COP1: variants seen among roughly 807,000 people sequenced by gnomAD.
COP1 encodes COP1 E3 ubiquitin ligase.
In COP1, 24 loss-of-function variants were observed where a neutral mutation model predicts 101.3. The ratio of observed to expected loss-of-function variants is 0.24; its 90% CI spans 0.17 to 0.33. The LOEUF (loss-of-function observed/expected upper bound fraction) is 0.33. COP1 is among the 10% of genes least tolerant of loss of function. COP1 has a pLI of 1.00. For missense variants in COP1, 663 were observed against 906.2 expected (o/e 0.73, Z 3.45); for synonymous variants, 347 against 341.9 (o/e 1.01, Z -0.17).
intron 15 of COP1, among the ~76,000 whole-genome samples, chr1:176,020,247 G>GTT (rs1157816842): frequency 1.4e-5 from 2 of 147,320 alleles, no homozygotes; most frequent in Non-Finnish European, 3.0e-5. Context: ...GGAGGCAGAA[G>GTT]TTGCAGTGAG....
chr1:176,075,519 A>G (rs1677830911), intron 11 of COP1, among the ~76,000 whole-genome samples: 1 of 152,226 alleles, frequency 6.6e-6, no homozygotes, highest in African/African-American at 2.4e-5. Flanking sequence ...TGATTATACC[A>G]AGGAATTACT....
chr1:176,021,928 T>C (rs1015655509), intron 15 of COP1, among the ~76,000 whole-genome samples: 7 of 152,248 alleles, frequency 4.6e-5, no homozygotes, highest in Non-Finnish European at 1.0e-4. Context: ...TCTATATACA[T>C]ACTTGTTAAC....
chr1:176,035,710 CAA>C (rs71129541), intron 14 of COP1, among the ~76,000 whole-genome samples: 2,388 of 72,498 alleles, frequency 0.033, 32 homozygotes, highest in Non-Finnish European at 0.042. Flanking sequence ...AAAACGAGAC[CAA>C]AAAAAAAAAA....
intron 11 of COP1, among the ~76,000 whole-genome samples, chr1:176,057,462 G>A (rs963599981): frequency 6.6e-6 from 1 of 152,166 alleles, no homozygotes; most frequent in East Asian, 1.9e-4. Flanking sequence ...AGCCTGCCGA[G>A]TGCCTGCGAT....
intron 11 of COP1, among the ~76,000 whole-genome samples, chr1:176,073,286 CATAG>C (rs1558051245): frequency 6.6e-6 from 1 of 152,126 alleles, no homozygotes; most frequent in Non-Finnish European, 1.5e-5. Flanking sequence ...TGAATGCCAC[CATAG>C]ATAACTATTT....
At position 176,167,386 on chromosome 1, in the gene COP1, T is replaced by C. The variant is rs539848974; in HGVS notation, c.566-3495A>G. Among the ~76,000 whole-genome samples the C allele has an allele frequency of 4.2e-4, 63 of 151,796 alleles. 1 individual carries two copies. The South Asian group carries it at 0.013, about 31-fold the overall frequency. On this transcript the variant is annotated intron_variant, in intron 3 of 19. Coordinates refer to ENST00000367669, the MANE Select transcript of COP1 (RefSeq NM_022457.7). ...GTCCACCATCGTGGTCCCTGACGCATAGTAGGCGCCTGGTATTTGCTGAAT... is the reference window on the plus strand; with the variant it reads ...GTCCACCATCGTGGTCCCTGACGCACAGTAGGCGCCTGGTATTTGCTGAAT...
At chr1:176,030,670 C>T (rs1026992587) in intron 14 of COP1, among the ~76,000 whole-genome samples, 1 of 151,984 alleles carries the variant, frequency 6.6e-6, no homozygotes, top group Non-Finnish European at 1.5e-5. Context: ...GTCTGAGCTA[C>T]AAGGGTAACT....
intron 11 of COP1, among the ~76,000 whole-genome samples, chr1:176,051,622 C>A (rs557380111): frequency 6.6e-6 from 1 of 152,096 alleles, no homozygotes; most frequent in Non-Finnish European, 1.5e-5. Flanking sequence ...GCAGGCAGGT[C>A]CTTCAGGAGG....
intron 6 of COP1, among the ~76,000 whole-genome samples, chr1:176,143,618 C>G (rs115853259): frequency 5.3e-4 from 81 of 152,022 alleles, no homozygotes; most frequent in African/African-American, 1.9e-3. Context: ...GCAAACCAAA[C>G]CATATAGAAG....
At chr1:175,949,356 C>A (rs1571218252) in intron 18 of COP1, among the ~76,000 whole-genome samples, 1 of 151,814 alleles carries the variant, frequency 6.6e-6, no homozygotes, top group South Asian at 2.1e-4. Context: ...CTTTTAGTGA[C>A]CTGAATGTAG....
At chr1:176,001,585 A>C (rs1396124740) in intron 15 of COP1, among the ~76,000 whole-genome samples, 2 of 152,166 alleles carry the variant, frequency 1.3e-5, no homozygotes, top group Non-Finnish European at 2.9e-5. Flanking sequence ...GCCACCAGCA[A>C]GTATTCTCAG....
At chr1:175,946,432 G>A (rs1649179318) in intron 19 of COP1, among the ~76,000 whole-genome samples, 1 of 152,186 alleles carries the variant, frequency 6.6e-6, no homozygotes. Flanking sequence ...TTAATGCTAA[G>A]TGGCAGGAGA....
intron 15 of COP1, among the ~76,000 whole-genome samples, chr1:176,023,661 T>C (rs1324507886): frequency 7.0e-6 from 1 of 141,864 alleles, no homozygotes; most frequent in African/African-American, 2.7e-5. Flanking sequence ...GAGGTTGCAG[T>C]GAGCTGAGAT....
Position 176,089,293 on chromosome 1 carries a change from A to AAAGAAT in COP1, c.1027-3404_1027-3403insATTCTT, listed in dbSNP as rs1553257647. On this transcript the variant is annotated intron_variant, in intron 9 of 19. Coordinates refer to ENST00000367669, the MANE Select transcript of COP1 (RefSeq NM_022457.7). ...GGGTGACAGACTGAGACTCTGTCTAAAACAATAACAACAACAACAACAACA... is the reference window on the plus strand; with the variant it reads ...GGGTGACAGACTGAGACTCTGTCTAAAAGAATAACAATAACAACAACAACAACAACA... Among the ~76,000 whole-genome samples the AAAGAAT allele has an allele frequency of 8.0e-5, 4 of 49,828 alleles. No homozygotes were observed. In the East Asian group the frequency reaches 2.2e-3, roughly 28 times the overall value. The allele number at this position is 49,828 out of a possible 152,430, so 32.7% of individuals were successfully genotyped here.
chr1:175,946,089 A>C (rs973229859), intron 19 of COP1, among the ~76,000 whole-genome samples: 1 of 152,212 alleles, frequency 6.6e-6, no homozygotes, highest in Admixed American at 6.5e-5. Context: ...ATGACTTGAC[A>C]TGAGAGTAAG....
Position 175,976,270 on chromosome 1 carries a change from CTTTTTTT to C in COP1, c.2133+10666_2133+10672del, listed in dbSNP as rs10694480. ...TAAGTCTCTATATCAATTAGTCATT[CTTTTTTT>C]TTTTTTTTTTTTTTTTTTTAGACAG... On this transcript the variant is annotated intron_variant, in intron 18 of 19. Coordinates refer to ENST00000367669, the MANE Select transcript of COP1 (RefSeq NM_022457.7). Among the ~76,000 whole-genome samples, 71 of 56,860 alleles carry C rather than the reference CTTTTTTT, an allele frequency of 1.2e-3. 2 individuals carry two copies. Among genetic ancestry groups the C allele is most frequent in the East Asian group, 5.3e-3 (9 of 1,686 alleles). 37.3% of individuals were successfully genotyped at this position (56,860 alleles called of 152,430 possible).
chr1:176,197,726 A>T (rs1341117490), intron 1 of COP1, among the ~76,000 whole-genome samples: 1 of 152,250 alleles, frequency 6.6e-6, no homozygotes, highest in Non-Finnish European at 1.5e-5. Context: ...TAAAAGATGT[A>T]AAAGTATATT....
intron 9 of COP1, among the ~76,000 whole-genome samples, chr1:176,091,438 A>G (rs1394165511): frequency 6.6e-6 from 1 of 152,296 alleles, no homozygotes; most frequent in East Asian, 1.9e-4. Flanking sequence ...AAAATAAAAA[A>G]AGAGAGCAAG....
intron 11 of COP1, among the ~76,000 whole-genome samples, chr1:176,062,643 CAAAG>C (rs954363781): frequency 4.4e-4 from 67 of 152,106 alleles, no homozygotes; most frequent in African/African-American, 1.6e-3. Flanking sequence ...GGTATTCACC[CAAAG>C]AAATAAATAT....
Sources: gnomAD v4.1 joint callset for allele counts (sites outside exome capture counted in the v4.1 genomes callset) on GRCh38, gnomAD v4.1.1 for gene constraint, MANE v1.5 for transcripts, NCBI Gene and HGNC (gene_info 2026-07-23, HGNC 2026-07-21) for gene names.